The following PTPRD variants were observed in gnomAD, a reference collection of about 807,000 sequenced individuals.
PTPRD encodes protein tyrosine phosphatase receptor type D.
PTPRD carries 34 observed loss-of-function variants against 214.5 expected under a neutral mutation model. The ratio of observed to expected loss-of-function variants is 0.16; its 90% CI spans 0.12 to 0.21. The LOEUF (loss-of-function observed/expected upper bound fraction) is 0.21, where lower values mean the gene tolerates loss of function less well. Among genes scored for constraint, PTPRD ranks in the 10% least tolerant of loss-of-function variants. The pLI is 1.00. For synonymous variants in PTPRD, 1,128 were observed against 845.7 expected (o/e 1.33, Z -5.79); for missense variants, 2,545 against 2,398.7 (o/e 1.06, Z -1.27).
intron 2 of PTPRD, among the ~76,000 whole-genome samples, chr9:10,512,550 T>C (rs1185022252): frequency 6.6e-6 from 1 of 152,170 alleles, no homozygotes; most frequent in African/African-American, 2.4e-5. Flanking sequence ...TTATTTAATT[T>C]CTACTTTAAC....
chr9:9,407,151 G>A (rs1202287359), intron 8 of PTPRD, among the ~76,000 whole-genome samples: 1 of 151,600 alleles, frequency 6.6e-6, no homozygotes, highest in African/African-American at 2.4e-5. Flanking sequence ...CTGTAGATTG[G>A]CTTATCGATA....
intron 9 of PTPRD, among the ~76,000 whole-genome samples, chr9:9,298,269 G>A (rs1374834561): frequency 6.6e-6 from 1 of 151,342 alleles, no homozygotes; most frequent in African/African-American, 2.4e-5. Context: ...ATTTTTTTTG[G>A]TTCTCCATGG....
In PTPRD at chr9:10,102,882, T is replaced by A. The variant is rs1204336452; in HGVS notation, c.-544-69092A>T. 1.3e-5 allele frequency among the ~76,000 whole-genome samples: 2 copies of A among 151,752 alleles called. 1 individual carries two copies. Among genetic ancestry groups the A allele is most frequent in the Non-Finnish European group, 2.9e-5 (2 of 67,814 alleles). Reference sequence around the variant, plus strand: ...AACTGCTCACAAAATGAAAGCTATATTTTTCTGATAATTTTCCCAATGTAT... The same window carrying A: ...AACTGCTCACAAAATGAAAGCTATAATTTTCTGATAATTTTCCCAATGTAT... On this transcript the variant is annotated intron_variant, in intron 3 of 45. Coordinates refer to ENST00000381196, the MANE Select transcript of PTPRD (RefSeq NM_002839.4).
chr9:9,625,842 G>A (rs2095409780), intron 7 of PTPRD, among the ~76,000 whole-genome samples: 1 of 152,160 alleles, frequency 6.6e-6, no homozygotes, highest in Non-Finnish European at 1.5e-5. Flanking sequence ...TCTCTGTCTT[G>A]TTTAGGGAAC....
chr9:9,963,103 C>T (rs377604786), intron 4 of PTPRD, among the ~76,000 whole-genome samples: 24 of 152,120 alleles, frequency 1.6e-4, no homozygotes, highest in African/African-American at 5.5e-4. Flanking sequence ...ACTTTAGTAA[C>T]AAGTTTAGTA....
intron 4 of PTPRD, among the ~76,000 whole-genome samples, chr9:10,008,020 G>C (rs2096525101): frequency 6.6e-6 from 1 of 151,962 alleles, no homozygotes; most frequent in Non-Finnish European, 1.5e-5. Flanking sequence ...TAATAAACCA[G>C]CTATAATTTG....
At chr9:9,144,506 T>C (rs10816050) in intron 10 of PTPRD, among the ~76,000 whole-genome samples, 114,254 of 152,098 alleles carry the variant, frequency 0.75, 43,144 homozygotes, top group African/African-American at 0.82. Context: ...GTAATCCTAG[T>C]GCTTTGGGAG....
chr9:8,673,170 A>AT (rs2097324162), intron 12 of PTPRD, among the ~76,000 whole-genome samples: 1 of 151,750 alleles, frequency 6.6e-6, no homozygotes, highest in African/African-American at 2.4e-5. Flanking sequence ...CTCTCAAAGT[A>AT]TTTTTCTCTA....
chr9:10,479,971 CTACCCCTAATAAAA>C (rs571529314), intron 2 of PTPRD, among the ~76,000 whole-genome samples: 1 of 152,188 alleles, frequency 6.6e-6, no homozygotes, highest in African/African-American at 2.4e-5. Context: ...ATCAAATTTT[CTACCCCTAATAAAA>C]AGGGAGAAGT....
At chr9:8,331,455 G>A in intron 44 of PTPRD, 127 bp downstream of exon 44, 1 of 1,071,634 alleles carries the variant, frequency 9.3e-7, no homozygotes, top group Non-Finnish European at 1.3e-6. Context: ...AATCAATCCT[G>A]CTTTAAGTTT....
At chr9:10,574,681 T>C (rs1262441341) in intron 2 of PTPRD, among the ~76,000 whole-genome samples, 1 of 151,876 alleles carries the variant, frequency 6.6e-6, no homozygotes, top group Non-Finnish European at 1.5e-5. Context: ...CATTATATGA[T>C]CTAAGAAAGT....
chr9:9,381,512 C>T (rs778960078), intron 9 of PTPRD, among the ~76,000 whole-genome samples: 2 of 151,758 alleles, frequency 1.3e-5, no homozygotes, highest in East Asian at 1.9e-4. Context: ...ATGCATGCAC[C>T]ACCATACCCG....
chr9:9,012,981 A>AT (rs1478563678), intron 11 of PTPRD, among the ~76,000 whole-genome samples: 2 of 152,090 alleles, frequency 1.3e-5, no homozygotes, highest in African/African-American at 4.8e-5. Flanking sequence ...GAGTGTCTAA[A>AT]TTTTTTGAAT....
At chr9:10,378,708 G>C (rs1230034699) in intron 2 of PTPRD, among the ~76,000 whole-genome samples, 2 of 152,078 alleles carry the variant, frequency 1.3e-5, no homozygotes, top group Admixed American at 6.6e-5. Flanking sequence ...ATGCTGTTTT[G>C]GTTAGTATAG....
At chr9:8,630,095 A>G (rs1213858815) in intron 14 of PTPRD, among the ~76,000 whole-genome samples, 1 of 151,806 alleles carries the variant, frequency 6.6e-6, no homozygotes, top group African/African-American at 2.4e-5. Flanking sequence ...AATGATCTTC[A>G]TCCAGTTCAC....
intron 12 of PTPRD, among the ~76,000 whole-genome samples, chr9:8,706,264 A>T (rs1439937436): frequency 6.6e-6 from 1 of 152,100 alleles, no homozygotes; most frequent in Non-Finnish European, 1.5e-5. Context: ...ATATAATAGG[A>T]TTTTCAGGGA....
chr9:9,438,941 A>G (rs990133035), intron 8 of PTPRD, among the ~76,000 whole-genome samples: 1 of 152,190 alleles, frequency 6.6e-6, no homozygotes, highest in Non-Finnish European at 1.5e-5. Context: ...ATTCAACTTT[A>G]TCATTATCAG....
chr9:8,636,779 T>C lies in PTPRD; in HGVS notation c.130A>G (p.Ile44Val), dbSNP rs998210883. 1 of 1,613,992 alleles carries C rather than the reference T, an allele frequency of 6.2e-7. No homozygotes were observed. Among genetic ancestry groups the C allele is most frequent in the African/African-American group, 1.3e-5 (1 of 74,916 alleles). The change falls in exon 13 of 46, where the codon ATC becomes GTC. Residue 44 changes from isoleucine (I) to valine (V), a missense_variant. Ile to Val is a conservative substitution (Grantham distance 29, BLOSUM62 3). Transcript: ENST00000381196. ...TGVSGGVASF[I>V]CQATGDPRPK... ...CTTGGGTCTCCCGTAGCTTGGCAGATGAAAGAGGCAACTCCGCCAGAGACC... is the reference window on the plus strand; with the variant it reads ...CTTGGGTCTCCCGTAGCTTGGCAGACGAAAGAGGCAACTCCGCCAGAGACC...
chr9:10,336,630 G>T (rs1351599788), intron 3 of PTPRD, among the ~76,000 whole-genome samples: 1 of 151,318 alleles, frequency 6.6e-6, no homozygotes, highest in African/African-American at 2.4e-5. Context: ...TTAGGTCTAG[G>T]TAATATTTAT....
Sources: gnomAD v4.1 joint callset for allele counts (sites outside exome capture counted in the v4.1 genomes callset) on GRCh38, gnomAD v4.1.1 for gene constraint, MANE v1.5 for transcripts, NCBI Gene and HGNC (gene_info 2026-07-23, HGNC 2026-07-21) for gene names.